DPP6: variants seen among roughly 807,000 people sequenced by gnomAD.
DPP6 encodes A-type potassium channel modulatory protein DPP6.
Under a neutral mutation model 122.6 loss-of-function variants are expected in DPP6, and 69 were observed. The observed-to-expected ratio is 0.56, with a 90% confidence interval of 0.46 to 0.69. The LOEUF (loss-of-function observed/expected upper bound fraction) is 0.69, where lower values mean the gene tolerates loss of function less well. Ranked by LOEUF, DPP6 falls within the 30% of genes least tolerant of loss-of-function variation. The pLI, the probability that DPP6 is intolerant of heterozygous loss-of-function variation, is 0.00. For synonymous variants in DPP6, 418 were observed against 433.1 expected (o/e 0.97, Z 0.43); for missense variants, 928 against 1,116.9 (o/e 0.83, Z 2.41).
the DPP6 span, among the ~76,000 whole-genome samples, chr7:153,848,545 G>T: frequency 6.6e-6 from 1 of 152,082 alleles, no homozygotes; most frequent in Non-Finnish European, 1.5e-5. Context: ...GTATAAATAT[G>T]GGTCTAACTT....
chr7:154,231,582 G>A (rs1289315680), intron 1 of DPP6, among the ~76,000 whole-genome samples: 2 of 152,130 alleles, frequency 1.3e-5, no homozygotes, highest in East Asian at 1.9e-4. Flanking sequence ...TAATAATACT[G>A]GTGCAAGGAG....
intron 3 of DPP6, among the ~76,000 whole-genome samples, chr7:154,520,908 A>G (rs1826919925): frequency 6.6e-6 from 1 of 152,214 alleles, no homozygotes; most frequent in Non-Finnish European, 1.5e-5. Context: ...TGCCTAATAT[A>G]AGTAGCATGT....
At chr7:153,884,700 C>T (rs544318559), upstream of DPP6, among the ~76,000 whole-genome samples, 29 of 152,150 alleles carry the variant, frequency 1.9e-4, no homozygotes, top group South Asian at 8.3e-4. Context: ...GTTTGTCGGC[C>T]GGGCGCAGTG....
chr7:154,843,700 T>A (rs1468835161), intron 16 of DPP6, among the ~76,000 whole-genome samples: 1 of 152,228 alleles, frequency 6.6e-6, no homozygotes, highest in Non-Finnish European at 1.5e-5. Flanking sequence ...GCTGTTGCTC[T>A]TACTAAAAGT....
Position 154,892,615 on chromosome 7 carries a change from TGCGGAAG to T in DPP6, c.*138_*144del. On this transcript the variant is annotated 3_prime_UTR_variant, in exon 26 of 26. Coordinates refer to ENST00000377770, the MANE Select transcript of DPP6 (RefSeq NM_130797.4). ...TGTTCCATAGCATGTGTGTCTCGGA[TGCGGAAG>T]GCAGTTTTGCTTGGGAAACAAGCTC... is the stretch of plus-strand genomic sequence containing the variant. 1.3e-6 allele frequency: 2 copies of T among 1,517,226 alleles called. No homozygotes were observed. Among genetic ancestry groups the T allele is most frequent in the Non-Finnish European group, 1.8e-6 (2 of 1,128,224 alleles). The allele number at this position is 1,517,226 out of a possible 1,614,324, so 94.0% of individuals were successfully genotyped here. A position where few individuals can be genotyped will look rare whatever the true frequency, so the allele number is the denominator to read the frequency against.
At chr7:154,120,608 T>C (rs1343166603) in intron 1 of DPP6, among the ~76,000 whole-genome samples, 2 of 152,118 alleles carry the variant, frequency 1.3e-5, no homozygotes, top group Non-Finnish European at 2.9e-5. Context: ...ATTAAAGAGT[T>C]GATTAAAGTA....
chr7:154,482,367 G>A (rs543447356), intron 3 of DPP6, among the ~76,000 whole-genome samples: 1 of 152,232 alleles, frequency 6.6e-6, no homozygotes, highest in Admixed American at 6.5e-5. Context: ...GGCACTGAAG[G>A]TTTTAGAATA....
At chr7:154,723,463 A>G (rs1043603253) in intron 7 of DPP6, among the ~76,000 whole-genome samples, 161 of 91,754 alleles carry the variant, frequency 1.8e-3, no homozygotes, top group South Asian at 4.7e-3. Flanking sequence ...CAACACATTT[A>G]TTTTTAAAAA....
At chr7:154,246,567 C>T (rs993774381) in intron 1 of DPP6, among the ~76,000 whole-genome samples, 3 of 151,906 alleles carry the variant, frequency 2.0e-5, no homozygotes, top group African/African-American at 7.3e-5. Flanking sequence ...TTAAGTGATC[C>T]TAGAATAGCT....
At chr7:154,651,858 G>A (rs1027453595) in intron 6 of DPP6, among the ~76,000 whole-genome samples, 4 of 152,164 alleles carry the variant, frequency 2.6e-5, no homozygotes, top group Non-Finnish European at 4.4e-5. Context: ...GATGCTGGGC[G>A]GTTTTCTCCA....
chr7:154,377,008 GACAA>G (rs1242260634), intron 1 of DPP6, among the ~76,000 whole-genome samples: 1 of 152,066 alleles, frequency 6.6e-6, no homozygotes, highest in African/African-American at 2.4e-5. Context: ...CACTTTTAGT[GACAA>G]ACAAGTCAAA....
intron 1 of DPP6, among the ~76,000 whole-genome samples, chr7:154,131,738 G>A (rs1795295571): frequency 6.6e-6 from 1 of 152,320 alleles, no homozygotes; most frequent in Non-Finnish European, 1.5e-5. Context: ...AATGAAGATA[G>A]CCTAAGGAAA....
At chr7:154,222,731 C>G (rs999212850) in intron 1 of DPP6, among the ~76,000 whole-genome samples, 1 of 149,192 alleles carries the variant, frequency 6.7e-6, no homozygotes, top group Non-Finnish European at 1.5e-5. Flanking sequence ...GTAAAATATC[C>G]AGATCCGGAA....
At chr7:153,965,744 A>G (rs1274002796) in intron 1 of DPP6, among the ~76,000 whole-genome samples, 4 of 151,912 alleles carry the variant, frequency 2.6e-5, no homozygotes, top group Non-Finnish European at 5.9e-5. Context: ...TAATCCCAGC[A>G]CTTTGCGAGG....
chr7:154,060,663 G>A (rs113364601), intron 1 of DPP6, among the ~76,000 whole-genome samples: 5,622 of 144,338 alleles, frequency 0.039, 76 homozygotes, highest in African/African-American at 0.14. Flanking sequence ...CACGAGAGTG[G>A]CGACTGAGAG....
intron 3 of DPP6, among the ~76,000 whole-genome samples, chr7:154,478,184 A>G (rs1822923213): frequency 6.6e-6 from 1 of 152,030 alleles, no homozygotes; most frequent in East Asian, 1.9e-4. Context: ...AAGTGTTAAG[A>G]TCTGGGAAAA....
intron 7 of DPP6, among the ~76,000 whole-genome samples, chr7:154,673,466 C>T (rs1258788821): frequency 4.6e-5 from 7 of 152,140 alleles, no homozygotes; most frequent in Non-Finnish European, 1.0e-4. Context: ...TTGTGAGACC[C>T]ATAGAACATT....
intron 5 of DPP6, among the ~76,000 whole-genome samples, chr7:154,636,659 A>AT (rs1333380562): frequency 6.6e-6 from 1 of 152,128 alleles, no homozygotes; most frequent in Non-Finnish European, 1.5e-5. Flanking sequence ...GTTTATTTTT[A>AT]TATCTGGGTC....
chr7:154,539,153 T>C (rs1048557580), intron 3 of DPP6, among the ~76,000 whole-genome samples: 5 of 152,186 alleles, frequency 3.3e-5, no homozygotes, highest in Non-Finnish European at 7.4e-5. Context: ...TGGCTCAAGG[T>C]TACTGCCTTC....
Sources: gnomAD v4.1 joint callset for allele counts (sites outside exome capture counted in the v4.1 genomes callset) on GRCh38, gnomAD v4.1.1 for gene constraint, MANE v1.5 for transcripts, NCBI Gene and HGNC (gene_info 2026-07-23, HGNC 2026-07-21) for gene names.